NTM: variants seen among roughly 807,000 people sequenced by gnomAD.
The protein encoded by NTM is IgLON family member 2.
In NTM, 13 loss-of-function variants were observed where a neutral mutation model predicts 42.1. That is an observed-to-expected ratio of 0.31 (90% CI 0.20 to 0.49). NTM has a LOEUF of 0.49. NTM is among the 20% of genes least tolerant of loss of function. The probability of loss-of-function intolerance (pLI) is 0.99; values close to 1 mark genes in which losing one functional copy is unlikely to be tolerated. For synonymous variants in NTM, 187 were observed against 179.2 expected, an observed-to-expected ratio of 1.04 and a Z score of -0.35; for missense variants, 373 against 452.8, an observed-to-expected ratio of 0.82 and a Z score of 1.60.
chr11:131,684,663 A>G (rs1173349552), intron 1 of NTM, among the ~76,000 whole-genome samples: 3 of 152,236 alleles, frequency 2.0e-5, no homozygotes. Flanking sequence ...AGGCCAGCTC[A>G]TCATGCCACC....
chr11:132,231,418 C>G (rs2087531161), intron 4 of NTM, among the ~76,000 whole-genome samples: 1 of 152,330 alleles, frequency 6.6e-6, no homozygotes, highest in Admixed American at 6.5e-5. Flanking sequence ...TAGCGAATGA[C>G]TGCTTGTTGC....
At chr11:131,999,298 T>A (rs2068724732) in intron 2 of NTM, among the ~76,000 whole-genome samples, 1 of 152,016 alleles carries the variant, frequency 6.6e-6, no homozygotes, top group Non-Finnish European at 1.5e-5. Context: ...CTGAAAAAAA[T>A]GATGCTTACT....
chr11:132,179,809 A>T (rs2077300324), intron 3 of NTM, among the ~76,000 whole-genome samples: 1 of 152,120 alleles, frequency 6.6e-6, no homozygotes. Flanking sequence ...TGGGAAGAGG[A>T]AAACTTGAAG....
intron 1 of NTM, among the ~76,000 whole-genome samples, chr11:131,381,062 A>G (rs993761994): frequency 1.3e-5 from 2 of 152,222 alleles, no homozygotes; most frequent in African/African-American, 4.8e-5. Context: ...ATTTCAGGCT[A>G]AACTGACCCA....
chr11:132,190,943 T>TG (rs1319249558), intron 3 of NTM, among the ~76,000 whole-genome samples: 1 of 146,710 alleles, frequency 6.8e-6, no homozygotes, highest in Admixed American at 7.1e-5. Context: ...TGATATTATT[T>TG]GTTTTTTTTT....
At chr11:131,833,221 G>A (rs1836580038) in intron 1 of NTM, among the ~76,000 whole-genome samples, 2 of 152,176 alleles carry the variant, frequency 1.3e-5, no homozygotes, top group Admixed American at 6.5e-5. Context: ...GTGGAAAGGT[G>A]AGCTTTGTAG....
At chr11:132,067,675 A>G (rs1200907325) in intron 2 of NTM, among the ~76,000 whole-genome samples, 2 of 152,248 alleles carry the variant, frequency 1.3e-5, no homozygotes, top group Non-Finnish European at 2.9e-5. Flanking sequence ...ATTCCATTAC[A>G]TGCAAGGCCT....
chr11:131,493,272 C>T (rs1240578258), intron 1 of NTM, among the ~76,000 whole-genome samples: 2 of 152,052 alleles, frequency 1.3e-5, no homozygotes, highest in Non-Finnish European at 2.9e-5. Flanking sequence ...TATGAAAGAA[C>T]AGATAAATGA....
intron 2 of NTM, chr11:132,141,010 A>G (rs1056647337): frequency 6.6e-6 from 1 of 152,228 alleles, no homozygotes; most frequent in Non-Finnish European, 1.5e-5. Flanking sequence ...GCCATTTGAT[A>G]GAAGGAACGG....
chr11:132,247,919 T>C (rs557595147), intron 4 of NTM, among the ~76,000 whole-genome samples: 1 of 152,282 alleles, frequency 6.6e-6, no homozygotes, highest in African/African-American at 2.4e-5. Flanking sequence ...AGTTAACCCC[T>C]GAGAAAGGTC....
chr11:131,950,133 C>G (rs544684), intron 2 of NTM, among the ~76,000 whole-genome samples: 25,389 of 151,968 alleles, frequency 0.17, 2,283 homozygotes, highest in East Asian at 0.26. Flanking sequence ...ATGGGAATCC[C>G]AGACTTTAAA....
At chr11:131,928,743 CTGTT>C (rs906529459) in intron 2 of NTM, among the ~76,000 whole-genome samples, 1 of 142,014 alleles carries the variant, frequency 7.0e-6, no homozygotes, top group South Asian at 2.3e-4. Flanking sequence ...CCACTGCAAA[CTGTT>C]TGTTTTCTGT....
intron 1 of NTM, among the ~76,000 whole-genome samples, chr11:131,708,066 T>C (rs76693370): frequency 0.016 from 2,510 of 152,262 alleles, 71 homozygotes; most frequent in African/African-American, 0.057. Context: ...TTGAATTCAC[T>C]GAAGTTACAG....
At chr11:132,201,813 T>C (rs1318880232) in intron 3 of NTM, among the ~76,000 whole-genome samples, 1 of 152,214 alleles carries the variant, frequency 6.6e-6, no homozygotes, top group African/African-American at 2.4e-5. Flanking sequence ...ACATATTTTA[T>C]TGGATCCCAA....
intron 1 of NTM, among the ~76,000 whole-genome samples, chr11:131,619,657 G>C (rs892883358): frequency 6.6e-6 from 1 of 152,076 alleles, no homozygotes; most frequent in African/African-American, 2.4e-5. Context: ...AAAGAGTCAA[G>C]ACGCAAATTT....
intron 1 of NTM, among the ~76,000 whole-genome samples, chr11:131,655,873 C>A (rs551258849): frequency 6.6e-6 from 1 of 152,330 alleles, no homozygotes; most frequent in South Asian, 2.1e-4. Flanking sequence ...AGAAGCAGTG[C>A]CTTTCTGAAG....
chr11:132,086,348 C>T (rs973294795), intron 2 of NTM, among the ~76,000 whole-genome samples: 7 of 144,684 alleles, frequency 4.8e-5, no homozygotes, highest in Admixed American at 2.1e-4. Context: ...AAAATAGTGG[C>T]AAGACAAGGT....
chr11:131,644,066 G>A (rs2065467274), intron 1 of NTM, among the ~76,000 whole-genome samples: 1 of 152,226 alleles, frequency 6.6e-6, no homozygotes, highest in Non-Finnish European at 1.5e-5. Context: ...CAGAGGCCAT[G>A]GAGCTGGAAC....
intron 1 of NTM, among the ~76,000 whole-genome samples, chr11:131,541,547 G>A (rs972394971): frequency 2.0e-5 from 3 of 151,712 alleles, no homozygotes; most frequent in African/African-American, 7.2e-5. Flanking sequence ...TGTGAGCTAT[G>A]TAAAGCCAGT....
Sources: gnomAD v4.1 joint callset for allele counts (sites outside exome capture counted in the v4.1 genomes callset) on GRCh38, gnomAD v4.1.1 for gene constraint, MANE v1.5 for transcripts, NCBI Gene and HGNC (gene_info 2026-07-23, HGNC 2026-07-21) for gene names.